Variants in MEP1A observed in about 807,000 individuals in gnomAD.
MEP1A encodes meprin A subunit alpha.
MEP1A carries 68 observed loss-of-function variants against 84.5 expected under a neutral mutation model. That is an observed-to-expected ratio of 0.80 (90% CI 0.66 to 0.98). The LOEUF (loss-of-function observed/expected upper bound fraction) is 0.98. Ranked by LOEUF, MEP1A falls within the 50% of genes least tolerant of loss-of-function variation. MEP1A has a pLI of 0.00. For missense variants in MEP1A, 887 were observed against 919.9 expected (o/e 0.96, Z 0.46); for synonymous variants, 337 against 336.8 (o/e 1.00, Z -0.01).
chr6:46,825,430 A>T lies in MEP1A; in HGVS notation c.715A>T (p.Ile239Phe). The change falls in exon 8 of 14, where the codon ATC becomes TTC. Residue 239 changes from isoleucine (I) to phenylalanine (F), a missense_variant. By Grantham distance (21) the Ile-to-Phe change is conservative (BLOSUM62 0). Coordinates refer to ENST00000230588, the MANE Select transcript of MEP1A (RefSeq NM_005588.3). ...TAKIPEFNSI[I>F]GQRLDFSAID... ...CAAGATCCCTGAGTTTAACTCCATT[A>T]TCGGACAGCGCCTGGATTTCAGTGC... The T allele has an allele frequency of 6.2e-7, 1 of 1,613,890 alleles. No homozygotes were observed. The highest frequency in any genetic ancestry group is 8.5e-7 in the Non-Finnish European group (1 of 1,179,868).
In MEP1A at chr6:46,833,320, G is replaced by A. The variant is rs1299959433; in HGVS notation, c.1391G>A (p.Gly464Glu). The A allele has an allele frequency of 6.2e-7, 1 of 1,614,190 alleles. No individual in the cohort carries two copies. The highest frequency in any genetic ancestry group is 1.3e-5 in the African/African-American group (1 of 75,038). Reference protein sequence around the residue: ...LQSPRFYNSEGYGFGVTLYPN... With the variant: ...LQSPRFYNSEEYGFGVTLYPN... ...AGCCCTCGATTCTACAATTCGGAGG[G>A]ATATGGTTTTGGGGTAACTTTATAC... The change falls in exon 11 of 14, where the codon GGA becomes GAA. Residue 464 changes from glycine (G) to glutamate (E), a missense_variant. By Grantham distance (98) the Gly-to-Glu change is moderately conservative (BLOSUM62 -2). Transcript: ENST00000230588.
chr6:46,803,648 T>G (rs1767245840), intron 5 of MEP1A, among the ~76,000 whole-genome samples: 2 of 151,726 alleles, frequency 1.3e-5, no homozygotes, highest in African/African-American at 2.4e-5. Flanking sequence ...TCTTCTTTTT[T>G]GACATTCTTA....
At chr6:46,844,010 T>C (rs1768376432), downstream of MEP1A, among the ~76,000 whole-genome samples, 1 of 152,230 alleles carries the variant, frequency 6.6e-6, no homozygotes, top group Non-Finnish European at 1.5e-5. Flanking sequence ...TAAAGTTCTT[T>C]TTTACTTGGT....
At chr6:46,836,043 T>A (rs1207976233) in intron 13 of MEP1A, among the ~76,000 whole-genome samples, 1 of 152,228 alleles carries the variant, frequency 6.6e-6, no homozygotes. Flanking sequence ...TTGTTATGCA[T>A]CATGTAGTCT....
In MEP1A at chr6:46,810,508, T is replaced by C. The variant is rs139428928; in HGVS notation, c.380+971T>C. ...TGATTTATCTTTGTTTTTGTTGCAT[T>C]TGCTTTTAGCTTCTTGTCATGAAGT... On this transcript the variant is annotated intron_variant, in intron 6 of 13. Coordinates refer to ENST00000230588, the MANE Select transcript of MEP1A (RefSeq NM_005588.3). Among the ~76,000 whole-genome samples the C allele has an allele frequency of 3.8e-3, 578 of 152,334 alleles. 10 individuals carry two copies. The highest frequency in any genetic ancestry group is 0.024 in the Middle Eastern group (7 of 294).
intron 12 of MEP1A, 82 bp from the exon 13 acceptor site, chr6:46,835,167 G>A (rs1309185756): frequency 2.4e-6 from 3 of 1,267,784 alleles, no homozygotes; most frequent in Non-Finnish European, 3.3e-6. Flanking sequence ...GAAGCAGGCT[G>A]GGGAACTTTC....
intron 10 of MEP1A, among the ~76,000 whole-genome samples, chr6:46,830,017 G>A (rs1768043990): frequency 1.3e-5 from 2 of 151,826 alleles, no homozygotes; most frequent in South Asian, 4.2e-4. Context: ...AGGCCGAGGC[G>A]GCCTTGTGGA....
chr6:46,800,505 T>C (rs919182508), intron 5 of MEP1A, among the ~76,000 whole-genome samples: 33 of 152,156 alleles, frequency 2.2e-4, no homozygotes, highest in Non-Finnish European at 4.3e-4. Flanking sequence ...GAAATTATAT[T>C]TGAGAGTGAT....
At chr6:46,805,700 T>G (rs1482856649) in intron 5 of MEP1A, among the ~76,000 whole-genome samples, 1 of 152,010 alleles carries the variant, frequency 6.6e-6, no homozygotes, top group Non-Finnish European at 1.5e-5. Flanking sequence ...AATACGTTCT[T>G]TTTATTTTTG....
chr6:46,799,805 T>A (rs1027797565), intron 5 of MEP1A, among the ~76,000 whole-genome samples: 1 of 152,172 alleles, frequency 6.6e-6, no homozygotes, highest in Non-Finnish European at 1.5e-5. Context: ...AGAAGCCACA[T>A]GTAGGCACTG....
intron 9 of MEP1A, among the ~76,000 whole-genome samples, chr6:46,828,322 C>G (rs1326318080): frequency 6.7e-6 from 1 of 150,056 alleles, no homozygotes; most frequent in Non-Finnish European, 1.5e-5. Flanking sequence ...GAAGAAGATA[C>G]AAGGGAATAT....
In MEP1A at chr6:46,825,257, T is replaced by C. The variant is rs1767910676; in HGVS notation, c.557-15T>C. ...AACATGACTGAGAAGGACCTGTGGA[T>C]TCTCTCCCTAACAGGTTACCAGCAC... On this transcript the variant is annotated splice_polypyrimidine_tract_variant and intron_variant, in intron 7 of 13. Coordinates refer to ENST00000230588, the MANE Select transcript of MEP1A (RefSeq NM_005588.3). 7.0e-6 allele frequency: 11 copies of C among 1,561,628 alleles called. No individual in the cohort carries two copies. Among genetic ancestry groups the C allele is most frequent in the Non-Finnish European group, 9.7e-6 (11 of 1,138,056 alleles).
downstream of MEP1A, among the ~76,000 whole-genome samples, chr6:46,841,890 G>A (rs142231199): frequency 0.016 from 2,422 of 152,256 alleles, 57 homozygotes; most frequent in African/African-American, 0.042. Context: ...CCATTGTTGC[G>A]GGAAGTCAGG....
At chr6:46,821,081 AG>A (rs1767762784) in intron 7 of MEP1A, among the ~76,000 whole-genome samples, 1 of 152,162 alleles carries the variant, frequency 6.6e-6, no homozygotes, top group South Asian at 2.1e-4. Context: ...AATCCTCAAA[AG>A]TTTTCTGCCA....
At chr6:46,832,923 T>G (rs887689762) in intron 10 of MEP1A, 151 bp from the exon 11 acceptor site, 6 of 471,148 alleles carry the variant, frequency 1.3e-5, no homozygotes, top group African/African-American at 9.9e-5. Flanking sequence ...AAAAGTTACT[T>G]AACCAGTTTA....
In MEP1A at chr6:46,807,822, A is replaced by AGAAAGAAAGAAAGAAG. The variant is rs1554189043; in HGVS notation, c.263-1583_263-1582insGGAAAGAAAGAAAGAA. Among the ~76,000 whole-genome samples, 354 of 150,420 alleles carry AGAAAGAAAGAAAGAAG rather than the reference A, an allele frequency of 2.4e-3. 3 individuals carry two copies. The highest frequency in any genetic ancestry group is 8.1e-3 in the African/African-American group (332 of 40,794). On this transcript the variant is annotated intron_variant, in intron 5 of 13. Coordinates refer to ENST00000230588, the MANE Select transcript of MEP1A (RefSeq NM_005588.3). ...AAGAAAGAAAGAAAGAAAGAAAGAA[A>AGAAAGAAAGAAAGAAG]GAAAGAAAGAAAGAAAGGAAGAAAG...
At position 46,798,542 on chromosome 6, in the gene MEP1A, C is replaced by T. The variant is rs115834882; in HGVS notation, c.146-64C>T. ...ATAATGGCAAATACTAATTTTATTA[C>T]GAAAGATGCCTTTTAATAATGTTCA... On this transcript the variant is annotated intron_variant, in intron 3 of 13. Transcript: ENST00000230588. 585 of 1,265,764 alleles carry T rather than the reference C, an allele frequency of 4.6e-4. 4 individuals are homozygous for T. The African/African-American group carries it at 5.0e-3, about 11-fold the overall frequency. 78.4% of individuals were successfully genotyped at this position (1,265,764 alleles called of 1,614,324 possible). A position where few individuals can be genotyped will look rare whatever the true frequency, so the allele number is the denominator to read the frequency against.
At chr6:46,814,111 G>A (rs927218988) in intron 6 of MEP1A, among the ~76,000 whole-genome samples, 1 of 152,056 alleles carries the variant, frequency 6.6e-6, no homozygotes, top group Admixed American at 6.6e-5. Context: ...AGCAAGGCTG[G>A]GGAAGTTTTC....
intron 5 of MEP1A, among the ~76,000 whole-genome samples, chr6:46,803,531 A>G (rs1363354901): frequency 6.6e-6 from 1 of 151,338 alleles, no homozygotes; most frequent in East Asian, 1.9e-4. Flanking sequence ...TTTTTACAGA[A>G]TTGACTTTTG....
Sources: allele counts gnomAD v4.1 joint callset (sites outside exome capture counted in the v4.1 genomes callset), GRCh38; gene constraint gnomAD v4.1.1; transcripts MANE v1.5; gene names NCBI Gene and HGNC (gene_info 2026-07-23, HGNC 2026-07-21).